Variants in PHTF2 observed in about 807,000 individuals in gnomAD.
The protein encoded by PHTF2 is protein PHTF2.
Under a neutral mutation model 101.2 loss-of-function variants are expected in PHTF2, and 60 were observed. The observed-to-expected ratio is 0.59, with a 90% CI of 0.48 to 0.73. PHTF2 has a LOEUF of 0.73. Ranked by LOEUF, PHTF2 falls within the 30% of genes least tolerant of loss-of-function variation. PHTF2 has a pLI of 0.00. For missense variants in PHTF2, 747 were observed against 908.7 expected (o/e 0.82, Z 2.29); for synonymous variants, 311 against 307.3 (o/e 1.01, Z -0.13).
intron 1 of PHTF2, among the ~76,000 whole-genome samples, chr7:77,814,201 G>C (rs1448855487): frequency 6.6e-6 from 1 of 152,174 alleles, no homozygotes; most frequent in East Asian, 1.9e-4. Flanking sequence ...TAAGGTCGCT[G>C]CTAACACTGA....
At chr7:77,910,072 T>C in intron 8 of PHTF2, 173 bp from the exon 8 acceptor site, 1 of 533,976 alleles carries the variant, frequency 1.9e-6, no homozygotes. Context: ...TAGAAATTGG[T>C]CTTGAATATG....
intron 3 of PHTF2, among the ~76,000 whole-genome samples, chr7:77,874,576 G>A (rs1306858088): frequency 1.3e-5 from 2 of 152,160 alleles, no homozygotes; most frequent in African/African-American, 4.8e-5. Context: ...AGGCTGGGAA[G>A]CTAGGCCAGT....
intron 1 of PHTF2, among the ~76,000 whole-genome samples, chr7:77,839,048 G>A (rs1447924380): frequency 1.3e-5 from 2 of 152,092 alleles, no homozygotes; most frequent in African/African-American, 2.4e-5. Flanking sequence ...ATGCTCCCAA[G>A]AGTGGTATAT....
At chr7:77,933,711 G>A (rs62462694) in intron 12 of PHTF2, among the ~76,000 whole-genome samples, 1 of 108,312 alleles carries the variant, frequency 9.2e-6, no homozygotes, top group Non-Finnish European at 2.0e-5. Flanking sequence ...GGGACCATGT[G>A]TTTTTTTTTT....
At chr7:77,865,769 A>G (rs1277244277) in intron 3 of PHTF2, among the ~76,000 whole-genome samples, 2 of 152,172 alleles carry the variant, frequency 1.3e-5, no homozygotes, top group Admixed American at 6.5e-5. Context: ...TCTAATTTAT[A>G]TAGTTTTTTA....
At chr7:77,815,672 A>G (rs993758967) in intron 1 of PHTF2, among the ~76,000 whole-genome samples, 5 of 152,238 alleles carry the variant, frequency 3.3e-5, no homozygotes, top group African/African-American at 1.2e-4. Context: ...AGGGTCATAG[A>G]GAAATAGTCA....
intron 1 of PHTF2, among the ~76,000 whole-genome samples, chr7:77,806,430 C>A (rs550554237): frequency 2.6e-5 from 4 of 152,258 alleles, no homozygotes; most frequent in African/African-American, 7.2e-5. Flanking sequence ...CCTCTTTAAT[C>A]CTAGTAATAT....
chr7:77,901,173 C>G (rs914641312), intron 6 of PHTF2, among the ~76,000 whole-genome samples: 11 of 152,218 alleles, frequency 7.2e-5, no homozygotes, highest in African/African-American at 2.4e-4. Context: ...CCGTATACCT[C>G]CCATGAGGCC....
chr7:77,819,193 G>A (rs1224490628), intron 1 of PHTF2, among the ~76,000 whole-genome samples: 2 of 152,134 alleles, frequency 1.3e-5, no homozygotes, highest in Non-Finnish European at 2.9e-5. Context: ...TAGACATTTT[G>A]ACTTCCTCCT....
chr7:77,847,300 C>T (rs1253581253), intron 2 of PHTF2, among the ~76,000 whole-genome samples: 2 of 152,116 alleles, frequency 1.3e-5, no homozygotes, highest in East Asian at 1.9e-4. Flanking sequence ...TAGACAAATG[C>T]GCTTATTACA....
intron 9 of PHTF2, among the ~76,000 whole-genome samples, chr7:77,911,065 A>G (rs1584682334): frequency 1.3e-5 from 2 of 152,218 alleles, no homozygotes; most frequent in Non-Finnish European, 2.9e-5. Flanking sequence ...TGCCTCAATT[A>G]TCCAAAATTA....
At chr7:77,886,749 G>A (rs936052461) in intron 3 of PHTF2, among the ~76,000 whole-genome samples, 1 of 152,102 alleles carries the variant, frequency 6.6e-6, no homozygotes, top group African/African-American at 2.4e-5. Flanking sequence ...GGCAGGGGAG[G>A]AAGTGATACA....
intron 3 of PHTF2, among the ~76,000 whole-genome samples, chr7:77,889,535 T>G (rs1800173344): frequency 6.6e-6 from 1 of 152,014 alleles, no homozygotes; most frequent in Admixed American, 6.6e-5. Flanking sequence ...AAAAGTAGTC[T>G]GTTTGCTTAA....
intron 1 of PHTF2, among the ~76,000 whole-genome samples, chr7:77,807,054 A>T (rs1347558656): frequency 1.3e-5 from 2 of 152,164 alleles, no homozygotes; most frequent in Admixed American, 1.3e-4. Flanking sequence ...TATACATATA[A>T]TTTTTTAAAG....
At chr7:77,875,615 T>C (rs1397598187) in intron 3 of PHTF2, among the ~76,000 whole-genome samples, 1 of 152,074 alleles carries the variant, frequency 6.6e-6, no homozygotes, top group Non-Finnish European at 1.5e-5. Context: ...TGGAGTGCGG[T>C]GGCACCATCT....
At chr7:77,809,557 T>TTGTG (rs556761010) in intron 1 of PHTF2, among the ~76,000 whole-genome samples, 138 of 151,486 alleles carry the variant, frequency 9.1e-4, no homozygotes, top group African/African-American at 2.8e-3. Flanking sequence ...CAACAAAACT[T>TTGTG]TGTGTGTGTG....
intron 19 of PHTF2, 106 bp downstream of exon 18, chr7:77,954,000 A>G (rs529885477): frequency 5.8e-5 from 47 of 804,718 alleles, no homozygotes; most frequent in Non-Finnish European, 8.6e-5. Context: ...GTAAGATTGC[A>G]ATTATTGAAC....
intron 12 of PHTF2, among the ~76,000 whole-genome samples, chr7:77,935,702 A>G (rs1805063236): frequency 6.6e-6 from 1 of 152,202 alleles, no homozygotes; most frequent in East Asian, 1.9e-4. Context: ...TTCTGTCTCT[A>G]GATGGGCTTT....
intron 3 of PHTF2, among the ~76,000 whole-genome samples, chr7:77,885,803 G>C (rs1799792004): frequency 6.6e-6 from 1 of 152,152 alleles, no homozygotes; most frequent in Admixed American, 6.5e-5. Context: ...ATTTATCCTG[G>C]CACATGATTG....
Sources: allele counts gnomAD v4.1 joint callset (sites outside exome capture counted in the v4.1 genomes callset), GRCh38; gene constraint gnomAD v4.1.1; transcripts MANE v1.5; gene names NCBI Gene and HGNC (gene_info 2026-07-23, HGNC 2026-07-21).